C11orf54: variants seen among roughly 807,000 people sequenced by gnomAD.
C11orf54 encodes the protein beta-keto-L-gulonate decarboxylase.
Under a neutral mutation model 35.5 loss-of-function variants are expected in C11orf54, and 29 were observed. That is an observed-to-expected ratio of 0.82 (90% CI 0.61 to 1.11). C11orf54 has a LOEUF of 1.11. C11orf54 is among the 50% of genes most tolerant of loss of function. The pLI is 0.00. For synonymous variants in C11orf54, 108 were observed against 121.1 expected, an observed-to-expected ratio of 0.89 and a Z score of 0.71; for missense variants, 373 against 369.2, an observed-to-expected ratio of 1.01 and a Z score of -0.08.
At chr11:93,749,196 A>AC (rs1425695798) in intron 2 of C11orf54, among the ~76,000 whole-genome samples, 1 of 151,832 alleles carries the variant, frequency 6.6e-6, no homozygotes. Context: ...CCTTAAAAGT[A>AC]CATAGGCTGA....
chr11:93,746,855 T>A (rs1236262458), intron 1 of C11orf54: 1 of 152,270 alleles, frequency 6.6e-6, no homozygotes, highest in East Asian at 1.9e-4. Flanking sequence ...ATACAAATCC[T>A]ATATGTACTG....
intron 2 of C11orf54, among the ~76,000 whole-genome samples, chr11:93,749,176 A>G (rs1942664352): frequency 6.6e-6 from 1 of 151,502 alleles, no homozygotes; most frequent in Non-Finnish European, 1.5e-5. Flanking sequence ...ATTTTGTAAG[A>G]ACTTTTGATC....
rs1439161132 is a variant in C11orf54, at chr11:93,757,392, A to C, written c.584A>C (p.His195Pro). 3 of 1,598,184 alleles carry C rather than the reference A, an allele frequency of 1.9e-6. No individual in the cohort carries two copies. The Admixed American group carries it at 5.0e-5, about 27-fold the overall frequency. ...TGTATGAGAGAGACCCTGGAAAAAC[A>C]TTATGGAAATAAGCCTATAGGAATG... The part of the protein sequence containing the change: ...VTCMRETLEK[H>P]YGNKPIGMGG... Residue 195 changes from histidine to proline, a missense_variant, in exon 7 of 9, where the codon CAT becomes CCT. His to Pro is a moderately conservative substitution (Grantham distance 77). Transcript: ENST00000354421.
intron 3 of C11orf54, 118 bp downstream of exon 3, chr11:93,750,562 G>A: frequency 2.5e-6 from 2 of 797,720 alleles, no homozygotes; most frequent in Non-Finnish European, 3.9e-6. Flanking sequence ...ACAACATTTA[G>A]GCTAAATTGT....
chr11:93,744,971 T>A (rs1252335105), intron 1 of C11orf54, among the ~76,000 whole-genome samples: 1 of 151,666 alleles, frequency 6.6e-6, no homozygotes, highest in East Asian at 2.1e-4. Flanking sequence ...GAAATCTGCG[T>A]CATAAATAAG....
Position 93,747,390 on chromosome 11 carries a change from G to T in C11orf54, c.-4G>T. ...TCCAACCTCACACCTAAAGAAGAAA[G>T]AAAATGGCTTGTGCTGAGTTTTCTT... On this transcript the variant is annotated 5_prime_UTR_variant, in exon 2 of 9. Transcript: ENST00000354421. The T allele has an allele frequency of 1.3e-6, 2 of 1,596,796 alleles. No homozygotes were observed. The highest frequency in any genetic ancestry group is 1.7e-6 in the Non-Finnish European group (2 of 1,173,466).
Position 93,747,323 on chromosome 11 carries a change from C to G in C11orf54, c.-71C>G. ...ACAGAAACTGTTCATACTTGGTGCG[C>G]TGTGGACTCTTGTGATAATTAACCA... is the stretch of plus-strand genomic sequence containing the variant. On this transcript the variant is annotated 5_prime_UTR_variant, in exon 2 of 9. Transcript: ENST00000354421. The G allele has an allele frequency of 8.3e-7, 1 of 1,211,976 alleles. No individual in the cohort carries two copies. The highest frequency in any genetic ancestry group is 1.2e-6 in the Non-Finnish European group (1 of 856,554). 75.1% of individuals were successfully genotyped at this position (1,211,976 alleles called of 1,614,324 possible).
chr11:93,764,231 T>C lies in C11orf54; in HGVS notation c.*2543T>C, dbSNP rs538047249. Reference sequence around the variant, plus strand: ...ATTAAGTCAGATTCTTAATTACAGATTTCAGATCTGATTTCAGATCAGAGC... The same window carrying C: ...ATTAAGTCAGATTCTTAATTACAGACTTCAGATCTGATTTCAGATCAGAGC... On this transcript the variant is annotated 3_prime_UTR_variant, in exon 9 of 9. Transcript: ENST00000354421. The C allele has an allele frequency of 6.6e-6, 1 of 152,316 alleles. No homozygotes were observed. Among genetic ancestry groups the C allele is most frequent in the Non-Finnish European group, 1.5e-5 (1 of 68,046 alleles). 9.4% of individuals were successfully genotyped at this position (152,316 alleles called of 1,614,324 possible).
In C11orf54 at chr11:93,761,738, ATTGAC is replaced by A. The variant is rs1794040866; in HGVS notation, c.*53_*57del. ...AGAAATAATTAAGGTTAATTAATTG[ATTGAC>A]TTATTAATTAATACTGATATAAAAC... On this transcript the variant is annotated 3_prime_UTR_variant, in exon 9 of 9. Coordinates refer to ENST00000354421, the MANE Select transcript of C11orf54 (RefSeq NM_001286069.2). 3 of 1,459,614 alleles carry A rather than the reference ATTGAC, an allele frequency of 2.1e-6. No homozygotes were observed. Among genetic ancestry groups the A allele is most frequent in the South Asian group, 1.3e-5 (1 of 75,244 alleles). 90.4% of individuals were successfully genotyped at this position (1,459,614 alleles called of 1,614,324 possible).
At chr11:93,749,080 G>A (rs1453538150) in intron 2 of C11orf54, among the ~76,000 whole-genome samples, 1 of 149,734 alleles carries the variant, frequency 6.7e-6, no homozygotes, top group Non-Finnish European at 1.5e-5. Flanking sequence ...GGAAGCAGAG[G>A]TTGCAGTAAG....
At position 93,753,827 on chromosome 11, in the gene C11orf54, A is replaced by G. The variant is rs573476628; in HGVS notation, c.228+72A>G. On this transcript the variant is annotated intron_variant, in intron 4 of 8. Coordinates refer to ENST00000354421, the MANE Select transcript of C11orf54 (RefSeq NM_001286069.2). ...GGTTGATTACTGTGTTTATTATTAG[A>G]AGACCTGTTGATCAGTTGGCAAGGA... is the stretch of plus-strand genomic sequence containing the variant. 30 of 1,558,294 alleles carry G rather than the reference A, an allele frequency of 1.9e-5. No homozygotes were observed. In the East Asian group the frequency reaches 6.1e-4, roughly 32 times the overall value.
At chr11:93,749,640 C>T (rs1185329428) in intron 2 of C11orf54, among the ~76,000 whole-genome samples, 2 of 151,628 alleles carry the variant, frequency 1.3e-5, no homozygotes, top group African/African-American at 2.4e-5. Context: ...TATAGCAAGA[C>T]CTGGTCTCTA....
intron 1 of C11orf54, chr11:93,742,062 C>G (rs1464384039): frequency 6.5e-6 from 1 of 153,968 alleles, no homozygotes; most frequent in Non-Finnish European, 1.4e-5. Context: ...CCATAGCACG[C>G]CCAGGTCTCC....
At chr11:93,760,035 C>T (rs1943375386) in intron 8 of C11orf54, among the ~76,000 whole-genome samples, 177 bp downstream of exon 8, 1 of 152,186 alleles carries the variant, frequency 6.6e-6, no homozygotes, top group Non-Finnish European at 1.5e-5. Flanking sequence ...CAACCTCCGC[C>T]TCCTGGGTTC....
intron 7 of C11orf54, among the ~76,000 whole-genome samples, chr11:93,757,840 T>C (rs1215482643): frequency 6.6e-6 from 1 of 152,178 alleles, no homozygotes; most frequent in Non-Finnish European, 1.5e-5. Flanking sequence ...GATCTTAGGA[T>C]TGTAAAGTAT....
chr11:93,751,625 C>T (rs59031514), intron 3 of C11orf54, among the ~76,000 whole-genome samples: 14,385 of 151,468 alleles, frequency 0.095, 802 homozygotes, highest in East Asian at 0.25. Flanking sequence ...AGGATGGTCT[C>T]GATCTCCTGA....
intron 1 of C11orf54, among the ~76,000 whole-genome samples, chr11:93,743,650 C>A (rs1042267122): frequency 6.6e-6 from 1 of 152,184 alleles, no homozygotes; most frequent in Non-Finnish European, 1.5e-5. Flanking sequence ...CTAGGGGATG[C>A]CCGCGACCCC....
intron 1 of C11orf54, among the ~76,000 whole-genome samples, chr11:93,745,219 C>T (rs1026955391): frequency 2.0e-5 from 3 of 152,202 alleles, no homozygotes; most frequent in African/African-American, 7.2e-5. Context: ...ACTAATCCTT[C>T]TCAGCACAGA....
intron 2 of C11orf54, among the ~76,000 whole-genome samples, chr11:93,749,150 A>G: frequency 6.6e-6 from 1 of 151,770 alleles, no homozygotes; most frequent in South Asian, 2.1e-4. Flanking sequence ...TCTCAAAAAA[A>G]AAAAAAAAAA....
Sources: gnomAD v4.1 joint callset for allele counts (sites outside exome capture counted in the v4.1 genomes callset) on GRCh38, gnomAD v4.1.1 for gene constraint, MANE v1.5 for transcripts, NCBI Gene and HGNC (gene_info 2026-07-23, HGNC 2026-07-21) for gene names.